Variants in CLN3 observed in about 807,000 individuals in gnomAD.
The protein encoded by CLN3 is CLN3 lysosomal/endosomal transmembrane protein, battenin.
Under a neutral mutation model 60.7 loss-of-function variants are expected in CLN3, and 49 were observed. The observed-to-expected ratio is 0.81, with a 90% confidence interval of 0.64 to 1.02. CLN3 has a LOEUF of 1.02. Ranked by LOEUF, CLN3 falls within the 50% of genes least tolerant of loss-of-function variation. The probability of loss-of-function intolerance (pLI) is 0.00; values close to 1 mark genes in which losing one functional copy is unlikely to be tolerated. For synonymous variants in CLN3, 256 were observed against 245.8 expected (o/e 1.04, Z -0.39); for missense variants, 516 against 557.4 (o/e 0.93, Z 0.75).
rs1596561484 is a variant in CLN3 at position 28,486,403 on chromosome 16, G to C, written c.621C>G (p.Leu207=). The C allele has an allele frequency of 1.2e-6, 2 of 1,613,280 alleles. No homozygotes were observed. Among genetic ancestry groups the C allele is most frequent in the Non-Finnish European group, 1.7e-6 (2 of 1,180,006 alleles). Residue 207 remains leucine (L), a synonymous_variant, in exon 9 of 16, where the codon CTC becomes CTG. Coordinates refer to ENST00000636147, the MANE Select transcript of CLN3 (RefSeq NM_001042432.2). The stretch of plus-strand genomic sequence containing the variant: ...TGGACAGCAGGGTCTGCTGAGGGGA[G>C]AGGCCGGCCTGGGTGAGGCCCAGGT... ...LSYLGLTQAG[L]SPQQTLLSML... is the part of the protein sequence containing the mutation.
At chr16:28,470,829 G>A (rs1159841689), downstream of CLN3, among the ~76,000 whole-genome samples, 3 of 138,520 alleles carry the variant, frequency 2.2e-5, no homozygotes, top group East Asian at 2.3e-4. Context: ...AACAGGACAC[G>A]CGGGGCAAGG....
At chr16:28,478,182 G>A (rs2046028470) in intron 14 of CLN3, among the ~76,000 whole-genome samples, 1 of 151,792 alleles carries the variant, frequency 6.6e-6, no homozygotes, top group Non-Finnish European at 1.5e-5. Flanking sequence ...TAGTGGTTCT[G>A]TAGTCCCAGC....
chr16:28,471,898 C>T (rs928924199), downstream of CLN3, among the ~76,000 whole-genome samples: 4 of 152,172 alleles, frequency 2.6e-5, no homozygotes, highest in Admixed American at 6.6e-5. Context: ...TGCATGGTGG[C>T]ACCTGCCTGT....
intron 5 of CLN3, chr16:28,487,971 C>G (rs1037970045): frequency 4.1e-5 from 22 of 536,190 alleles, no homozygotes; most frequent in Non-Finnish European, 6.8e-5. Context: ...TATCATAGCA[C>G]CTAGCTCACA....
At chr16:28,487,898 C>A in intron 5 of CLN3, 157 bp from the exon 6 acceptor site, 1 of 673,128 alleles carries the variant, frequency 1.5e-6, no homozygotes, top group Non-Finnish European at 2.7e-6. Flanking sequence ...TCTCCCACTC[C>A]TTAGTTGTGT....
At chr16:28,483,961 C>T in intron 10 of CLN3, 45 bp downstream of exon 10, 1 of 1,427,504 alleles carries the variant, frequency 7.0e-7, no homozygotes, top group Non-Finnish European at 9.7e-7. Context: ...AAGGCCAAAC[C>T]CAGAGAGAAA....
chr16:28,476,866 G>C (rs1350512485), downstream of CLN3: 3 of 157,038 alleles, frequency 1.9e-5, no homozygotes, highest in Non-Finnish European at 2.8e-5. Context: ...GCCAGGTACA[G>C]TGGCTCACAC....
At chr16:28,491,344 C>G in intron 3 of CLN3, 138 bp downstream of exon 3, 1 of 1,269,144 alleles carries the variant, frequency 7.9e-7, no homozygotes, top group Non-Finnish European at 1.1e-6. Flanking sequence ...ACATGCTGCC[C>G]CTGGGGCAAA....
At position 28,487,051 on chromosome 16, in the gene CLN3, C is replaced by G. The variant is rs570615568; in HGVS notation, c.461-401G>C. The G allele has an allele frequency of 1.5e-4, 55 of 363,136 alleles. 1 individual carries two copies. Among genetic ancestry groups the G allele is most frequent in the Non-Finnish European group, 2.8e-4 (54 of 189,564 alleles). The allele number at this position is 363,136 out of a possible 1,614,324, so 22.5% of individuals were successfully genotyped here. The stretch of plus-strand genomic sequence containing the variant: ...TCAGCCTCCCGAGTAGCTGGGATTA[C>G]AGGCTCCTGCCACCACACCCAGCTA... On this transcript the variant is annotated intron_variant, in intron 7 of 15. Transcript: ENST00000636147.
At chr16:28,480,224 T>TA (rs1056626122) in intron 14 of CLN3, among the ~76,000 whole-genome samples, 11 of 151,974 alleles carry the variant, frequency 7.2e-5, no homozygotes, top group East Asian at 1.9e-4. Flanking sequence ...TTTTTTTTTT[T>TA]AATTTTTTGT....
In CLN3 at chr16:28,477,430, T is replaced by C. The variant is rs2046010447; in HGVS notation, c.*86A>G. 1 of 1,576,916 alleles carries C rather than the reference T, an allele frequency of 6.3e-7. No individual in the cohort carries two copies. Among genetic ancestry groups the C allele is most frequent in the Admixed American group, 1.7e-5 (1 of 59,846 alleles). On this transcript the variant is annotated 3_prime_UTR_variant, in exon 16 of 16. Transcript: ENST00000636147. ...CCGGGAAGGCTGGGAGCACAGTTCA[T>C]GGAGGGTCTCTGGGGTGGGCCTGGG...
chr16:28,470,693 G>C, downstream of CLN3: 1 of 566,154 alleles, frequency 1.8e-6, no homozygotes. Flanking sequence ...GAAGGGGGCT[G>C]TTGGGCACCT....
chr16:28,473,784 T>C (rs2045970432), downstream of CLN3, among the ~76,000 whole-genome samples: 1 of 152,072 alleles, frequency 6.6e-6, no homozygotes, highest in African/African-American at 2.4e-5. Context: ...CATTTAAAAA[T>C]GGGCAAAGGA....
chr16:28,468,401 C>G, the CLN3 span, among the ~76,000 whole-genome samples: 1 of 147,568 alleles, frequency 6.8e-6, no homozygotes, highest in Non-Finnish European at 1.5e-5. Flanking sequence ...AATAATACTT[C>G]TCTCTTGGAT....
Position 28,492,032 on chromosome 16 carries a change from C to T in CLN3, c.-89G>A, listed in dbSNP as rs2046324441. 1.7e-6 allele frequency: 1 copy of T among 582,838 alleles called. No homozygotes were observed. Among genetic ancestry groups the T allele is most frequent in the Admixed American group, 3.0e-5 (1 of 33,474 alleles). 36.1% of individuals were successfully genotyped at this position (582,838 alleles called of 1,614,324 possible). ...CTGAGGCCTGTACCTTTAAGAGCAG[C>T]AGAATGTTCTGCACTATGCAGAGGC... On this transcript the variant is annotated 5_prime_UTR_variant, in exon 1 of 16. Transcript: ENST00000636147.
intron 14 of CLN3, among the ~76,000 whole-genome samples, chr16:28,480,493 G>A (rs997535474): frequency 8.6e-5 from 13 of 151,648 alleles, no homozygotes; most frequent in Admixed American, 2.0e-4. Context: ...CTCCATATCC[G>A]GAGTTCAAGC....
intron 7 of CLN3, 72 bp from the exon 8 acceptor site, chr16:28,486,722 G>A: frequency 2.1e-6 from 3 of 1,413,382 alleles, no homozygotes; most frequent in South Asian, 2.5e-5. Flanking sequence ...AATGTGTCTG[G>A]CCATGGCCTC....
Position 28,491,433 on chromosome 16 carries a change from T to C in CLN3, c.125+49A>G, listed in dbSNP as rs113317066. ...TTTCTTCCCCCTTTCCTCCGGTCAC[T>C]TCCCTCTTCTCATGCCATTGTCACT... On this transcript the variant is annotated intron_variant, in intron 3 of 15. Transcript: ENST00000636147. 1.8e-3 allele frequency: 2,886 copies of C among 1,605,444 alleles called. 52 individuals are homozygous for C. In the African/African-American group the frequency reaches 0.033, roughly 19 times the overall value.
chr16:28,491,046 G>T (rs945592151), intron 3 of CLN3: 3 of 155,120 alleles, frequency 1.9e-5, no homozygotes, highest in Admixed American at 6.5e-5. Flanking sequence ...TTCCAACCTG[G>T]GAAACAGAGC....
Sources: gnomAD v4.1 joint callset for allele counts (sites outside exome capture counted in the v4.1 genomes callset) on GRCh38, gnomAD v4.1.1 for gene constraint, MANE v1.5 for transcripts, NCBI Gene and HGNC (gene_info 2026-07-23, HGNC 2026-07-21) for gene names.